The following SRGAP2 variants were observed in gnomAD, a reference collection of about 807,000 sequenced individuals.
The protein encoded by SRGAP2 is SLIT-ROBO Rho GTPase activating protein 2, also known as SLIT-ROBO Rho GTPase-activating protein 2.
SRGAP2 carries 15 observed loss-of-function variants against 57.2 expected under a neutral mutation model. The observed-to-expected ratio is 0.26, with a 90% confidence interval of 0.18 to 0.40. The LOEUF (loss-of-function observed/expected upper bound fraction) is 0.40, where lower values mean the gene tolerates loss of function less well. Among genes scored for constraint, SRGAP2 ranks in the 10% least tolerant of loss-of-function variants. The pLI is 1.00. For synonymous variants in SRGAP2, 249 were observed against 248.0 expected (o/e 1.00, Z -0.04); for missense variants, 520 against 669.6 (o/e 0.78, Z 2.47).
chr1:206,323,615 G>A (rs111854703), intron 3 of SRGAP2, among the ~76,000 whole-genome samples: 2 of 151,178 alleles, frequency 1.3e-5, no homozygotes, highest in East Asian at 1.9e-4. Flanking sequence ...CTGCTCAGCT[G>A]TAGGCCATGA....
intron 4 of SRGAP2, among the ~76,000 whole-genome samples, chr1:206,365,910 T>G (rs2103006843): frequency 6.6e-6 from 1 of 151,442 alleles, no homozygotes; most frequent in African/African-American, 2.4e-5. Flanking sequence ...AGTTTTCAGA[T>G]TTTGCAAAAT....
intron 13 of SRGAP2, among the ~76,000 whole-genome samples, chr1:206,423,297 T>C (rs145418396): frequency 5.1e-4 from 78 of 152,364 alleles, no homozygotes; most frequent in East Asian, 3.3e-3. Context: ...GGCTCTGTCC[T>C]CTCACGATGT....
At chr1:206,265,805 GT>G (rs1393016646) in intron 2 of SRGAP2, among the ~76,000 whole-genome samples, 1 of 150,876 alleles carries the variant, frequency 6.6e-6, no homozygotes. Flanking sequence ...AAGTGAACGT[GT>G]TTTTTTCTCT....
chr1:206,425,846 CT>C (rs34299579), intron 13 of SRGAP2, among the ~76,000 whole-genome samples: 1,522 of 134,296 alleles, frequency 0.011, 20 homozygotes, highest in African/African-American at 0.035. Context: ...AACCTCACTT[CT>C]TTTTTTTTTT....
intron 2 of SRGAP2, among the ~76,000 whole-genome samples, chr1:206,292,357 T>C (rs1671376595): frequency 6.6e-6 from 1 of 152,158 alleles, no homozygotes; most frequent in Non-Finnish European, 1.5e-5. Context: ...CTGGGTGGGA[T>C]TGAGAGTCAC....
intron 11 of SRGAP2, among the ~76,000 whole-genome samples, chr1:206,419,125 G>A (rs191815080): frequency 4.6e-5 from 7 of 152,192 alleles, no homozygotes; most frequent in Non-Finnish European, 8.8e-5. Flanking sequence ...TAAGGTTTAG[G>A]GGGACTGACC....
chr1:206,307,629 C>G (rs1201101695), intron 3 of SRGAP2, among the ~76,000 whole-genome samples: 1 of 152,246 alleles, frequency 6.6e-6, no homozygotes, highest in Non-Finnish European at 1.5e-5. Flanking sequence ...AGTGAGAAAT[C>G]GAGCACAGCG....
chr1:206,334,840 A>G (rs1405291009), intron 3 of SRGAP2, among the ~76,000 whole-genome samples: 1 of 145,982 alleles, frequency 6.9e-6, no homozygotes, highest in Non-Finnish European at 1.5e-5. Flanking sequence ...ATCTGCTAAC[A>G]CATCTGTGTG....
At chr1:206,447,860 C>T (rs576603999) in intron 18 of SRGAP2, among the ~76,000 whole-genome samples, 1 of 152,342 alleles carries the variant, frequency 6.6e-6, no homozygotes, top group South Asian at 2.1e-4. Flanking sequence ...AGGGGTGTGG[C>T]TCACGGGGAC....
intron 2 of SRGAP2, among the ~76,000 whole-genome samples, chr1:206,270,569 T>C (rs1438915479): frequency 2.0e-5 from 3 of 149,134 alleles, no homozygotes; most frequent in East Asian, 2.0e-4. Context: ...AGCAAAAAAT[T>C]GGAAACAATG....
chr1:206,401,198 C>T (rs1658118873), intron 7 of SRGAP2, among the ~76,000 whole-genome samples: 2 of 152,356 alleles, frequency 1.3e-5, no homozygotes, highest in South Asian at 2.1e-4. Context: ...GAATCTTCTT[C>T]CTCCTAACCG....
chr1:206,240,286 G>A (rs1177800555), intron 2 of SRGAP2, among the ~76,000 whole-genome samples: 38 of 128,840 alleles, frequency 2.9e-4, no homozygotes, highest in South Asian at 4.8e-4. Context: ...AAAAAAAAAA[G>A]ACATTGACTG....
At chr1:206,438,156 GA>G in intron 16 of SRGAP2, 58 bp downstream of exon 16, 1 of 762,594 alleles carries the variant, frequency 1.3e-6, no homozygotes. Context: ...TAGCAAGAGA[GA>G]AAAAGTTTCC....
intron 14 of SRGAP2, among the ~76,000 whole-genome samples, chr1:206,433,466 C>G (rs573869089): frequency 6.6e-6 from 1 of 152,198 alleles, no homozygotes; most frequent in East Asian, 1.9e-4. Context: ...TGGCGAAACC[C>G]TGTCTCTACT....
At chr1:206,422,010 T>C (rs1175366338) in intron 13 of SRGAP2, among the ~76,000 whole-genome samples, 1 of 152,234 alleles carries the variant, frequency 6.6e-6, no homozygotes, top group Admixed American at 6.5e-5. Flanking sequence ...AATACTGAAA[T>C]GATTTTATGT....
chr1:206,370,524 T>G (rs1468512462), intron 4 of SRGAP2, among the ~76,000 whole-genome samples: 9 of 152,226 alleles, frequency 5.9e-5, no homozygotes, highest in Non-Finnish European at 1.0e-4. Context: ...ATGATTCCAT[T>G]TATAGTAAAT....
In SRGAP2 at chr1:206,372,943, CTTTCTTTCTTTCT is replaced by C. The variant is rs1437039407; in HGVS notation, c.424-11062_424-11050del. Reference sequence around the variant, plus strand: ...TCTTTCTTTCTTTCTTTCTTTCTTTCTTTCTTTCTTTCTTTTCTTTCCTTTCTTTCTTTCTTTC... The same window carrying C: ...TCTTTCTTTCTTTCTTTCTTTCTTTCTTTCTTTCCTTTCTTTCTTTCTTTC... On this transcript the variant is annotated intron_variant, in intron 4 of 22. Coordinates refer to ENST00000573034, the MANE Select transcript of SRGAP2 (RefSeq NM_015326.5). Among the ~76,000 whole-genome samples, 82 of 8,666 alleles carry C rather than the reference CTTTCTTTCTTTCT, an allele frequency of 9.5e-3. 10 individuals carry two copies. The East Asian group carries it at 0.14, about 14-fold the overall frequency. The allele number at this position is 8,666 out of a possible 152,430, so 5.7% of individuals were successfully genotyped here.
intron 2 of SRGAP2, among the ~76,000 whole-genome samples, chr1:206,285,847 G>A (rs1242531965): frequency 2.0e-5 from 3 of 150,754 alleles, no homozygotes; most frequent in African/African-American, 7.3e-5. Flanking sequence ...TGTATTGTTA[G>A]TAGAGATGGG....
intron 13 of SRGAP2, among the ~76,000 whole-genome samples, chr1:206,422,589 A>C (rs1660414140): frequency 6.6e-6 from 1 of 152,212 alleles, no homozygotes; most frequent in South Asian, 2.1e-4. Flanking sequence ...ATGAGCTTGA[A>C]GTTTGTTCTT....
Sources: allele counts gnomAD v4.1 joint callset (sites outside exome capture counted in the v4.1 genomes callset), GRCh38; gene constraint gnomAD v4.1.1; transcripts MANE v1.5; gene names NCBI Gene and HGNC (gene_info 2026-07-23, HGNC 2026-07-21).